The following OTOGL variants were observed in gnomAD, a reference collection of about 807,000 sequenced individuals.
The protein encoded by OTOGL is otogelin-like protein.
In OTOGL, 285 loss-of-function variants were observed where a neutral mutation model predicts 318.5. The observed-to-expected ratio is 0.89, with a 90% CI of 0.81 to 0.99. The LOEUF is 0.99. OTOGL is among the 50% of genes least tolerant of loss of function. OTOGL has a pLI of 0.00. For synonymous variants in OTOGL, 987 were observed against 936.5 expected (o/e 1.05, Z -0.99); for missense variants, 2,899 against 2,845.6 (o/e 1.02, Z -0.43).
intron 1 of OTOGL, among the ~76,000 whole-genome samples, chr12:80,171,120 G>A (rs751762366): frequency 5.9e-5 from 9 of 152,124 alleles, no homozygotes; most frequent in Non-Finnish European, 1.2e-4. Flanking sequence ...TGTTGCCCAG[G>A]CTGCAGTGCA....
chr12:80,235,332 G>A (rs1879739032), intron 9 of OTOGL, among the ~76,000 whole-genome samples: 1 of 151,964 alleles, frequency 6.6e-6, no homozygotes, highest in Non-Finnish European at 1.5e-5. Flanking sequence ...AGGCGTGGTG[G>A]CAGACACCTA....
Position 80,238,879 on chromosome 12 carries a change from T to A in OTOGL, c.846T>A (p.Phe282Leu). Residue 282 changes from phenylalanine to leucine, a missense_variant, in exon 10 of 59, where the codon TTT becomes TTA. By Grantham distance (22) the Phe-to-Leu change is conservative. This residue lies in a region of OTOGL where 2,607 missense variants were observed against 2,524.9 expected (regional missense o/e 1.03). Coordinates refer to ENST00000547103, the MANE Select transcript of OTOGL (RefSeq NM_001378609.3). ...QEDYTEDIAM[F>L]ANSWSVQTPD... ...ACTATACAGAAGACATCGCTATGTTTGCAAATAGTTGGTCGGTGCAAACTC... is the reference window on the plus strand; with the variant it reads ...ACTATACAGAAGACATCGCTATGTTAGCAAATAGTTGGTCGGTGCAAACTC... 2.6e-6 allele frequency: 4 copies of A among 1,568,038 alleles called. No homozygotes were observed. Among genetic ancestry groups the A allele is most frequent in the Non-Finnish European group, 3.4e-6 (4 of 1,162,808 alleles).
At chr12:80,259,775 T>A (rs1471585564) in intron 18 of OTOGL, among the ~76,000 whole-genome samples, 2 of 152,114 alleles carry the variant, frequency 1.3e-5, no homozygotes, top group East Asian at 3.9e-4. Context: ...TGATGGGCAT[T>A]TGCGTTGGTT....
chr12:80,240,107 A>G (rs1345654414), intron 11 of OTOGL, among the ~76,000 whole-genome samples: 1 of 151,822 alleles, frequency 6.6e-6, no homozygotes, highest in Non-Finnish European at 1.5e-5. Context: ...ATATACCACA[A>G]TTTTTTTTAT....
At chr12:80,286,728 T>C (rs1362499330) in intron 26 of OTOGL, among the ~76,000 whole-genome samples, 2 of 152,150 alleles carry the variant, frequency 1.3e-5, no homozygotes, top group Admixed American at 1.3e-4. Context: ...CTCCCCTTTG[T>C]CATTTTTTTT....
intron 8 of OTOGL, among the ~76,000 whole-genome samples, chr12:80,230,900 G>A (rs1879301952): frequency 6.6e-6 from 1 of 152,106 alleles, no homozygotes; most frequent in African/African-American, 2.4e-5. Flanking sequence ...TTCCTGCCTA[G>A]GTTGCATGCT....
intron 4 of OTOGL, among the ~76,000 whole-genome samples, chr12:80,215,584 C>T (rs1423697531): frequency 2.6e-5 from 4 of 152,162 alleles, no homozygotes; most frequent in Admixed American, 2.6e-4. Flanking sequence ...GATTGGGAAA[C>T]TGAACCTGAG....
At chr12:80,169,579 G>A (rs1874050243) in intron 1 of OTOGL, among the ~76,000 whole-genome samples, 1 of 152,038 alleles carries the variant, frequency 6.6e-6, no homozygotes, top group African/African-American at 2.4e-5. Context: ...AGTTTTATGA[G>A]TTGTGAGAAT....
chr12:80,148,089 T>C (rs866570518), intron 1 of OTOGL, among the ~76,000 whole-genome samples: 11 of 152,022 alleles, frequency 7.2e-5, no homozygotes, highest in Non-Finnish European at 1.0e-4. Flanking sequence ...AATTTGATCC[T>C]GTCATGATGA....
chr12:80,337,146 A>T, intron 42 of OTOGL, 142 bp downstream of exon 42: 1 of 677,786 alleles, frequency 1.5e-6, no homozygotes, highest in Non-Finnish European at 2.4e-6. Context: ...ACAATATAAA[A>T]TGTGTTTCTT....
intron 29 of OTOGL, among the ~76,000 whole-genome samples, chr12:80,307,632 T>C (rs1886255892): frequency 7.8e-6 from 1 of 127,566 alleles, no homozygotes; most frequent in Non-Finnish European, 1.6e-5. Flanking sequence ...CCCACCTCCC[T>C]CCTGGATGGG....
chr12:80,141,150 A>C (rs1486353915), intron 1 of OTOGL, among the ~76,000 whole-genome samples: 1 of 152,132 alleles, frequency 6.6e-6, no homozygotes, highest in African/African-American at 2.4e-5. Context: ...ACTCTGTCAC[A>C]TTCCCCGAGT....
chr12:80,347,074 C>A (rs975684147), intron 44 of OTOGL, among the ~76,000 whole-genome samples: 2 of 152,084 alleles, frequency 1.3e-5, no homozygotes, highest in Admixed American at 1.3e-4. Context: ...AATGACAAAG[C>A]TTTATAATTT....
At chr12:80,142,882 A>G (rs1445779705) in intron 1 of OTOGL, among the ~76,000 whole-genome samples, 3 of 152,122 alleles carry the variant, frequency 2.0e-5, no homozygotes, top group Non-Finnish European at 4.4e-5. Context: ...GTGGCAGAAG[A>G]GGGGCTTTCC....
At chr12:80,209,124 G>A (rs1678808406) in intron 1 of OTOGL, among the ~76,000 whole-genome samples, 1 of 152,124 alleles carries the variant, frequency 6.6e-6, no homozygotes, top group South Asian at 2.1e-4. Context: ...CTGCTGTCTT[G>A]AGAAGGTAAA....
At chr12:80,361,556 T>C (rs1018464028) in intron 52 of OTOGL, among the ~76,000 whole-genome samples, 1 of 145,506 alleles carries the variant, frequency 6.9e-6, no homozygotes, top group Non-Finnish European at 1.5e-5. Context: ...GAGGAACATA[T>C]ATACTGTTTT....
chr12:80,235,329 G>A (rs1228141611), intron 9 of OTOGL, among the ~76,000 whole-genome samples: 3 of 152,008 alleles, frequency 2.0e-5, no homozygotes, highest in Non-Finnish European at 1.5e-5. Flanking sequence ...GCCAGGCGTG[G>A]TGGCAGACAC....
rs546093754 is a variant in OTOGL, at chr12:80,112,705, C to CTTTTTTTTTT, written c.-20+13103_-20+13104insTTTTTTTTTT. ...ATTAGGGATATTTGCCTGAAATTTT[C>CTTTTTTTTTT]TTTCTTTTTTTTTTTTTTGTTGTGT... On this transcript the variant is annotated intron_variant, in intron 1 of 58. Transcript: ENST00000547103. Among the ~76,000 whole-genome samples, 17 of 128,648 alleles carry CTTTTTTTTTT rather than the reference C, an allele frequency of 1.3e-4. 2 individuals carry two copies. The highest frequency in any genetic ancestry group is 2.2e-4 in the East Asian group (1 of 4,556). 84.4% of individuals were successfully genotyped at this position (128,648 alleles called of 152,430 possible). A position where few individuals can be genotyped will look rare whatever the true frequency, so the allele number is the denominator to read the frequency against.
intron 1 of OTOGL, among the ~76,000 whole-genome samples, chr12:80,159,950 C>G (rs1873391735): frequency 6.6e-6 from 1 of 152,010 alleles, no homozygotes; most frequent in Admixed American, 6.6e-5. Flanking sequence ...AAGTCACATA[C>G]TCACAGCCAA....
Sources: gnomAD v4.1 joint callset for allele counts (sites outside exome capture counted in the v4.1 genomes callset) on GRCh38, gnomAD v4.1.1 for gene constraint, gnomAD v4.1.1 regional missense constraint, MANE v1.5 for transcripts, NCBI Gene and HGNC (gene_info 2026-07-23, HGNC 2026-07-21) for gene names.